The following MTOR variants were observed in gnomAD, a reference collection of about 807,000 sequenced individuals.
The protein encoded by MTOR is mechanistic target of rapamycin kinase, also known as serine/threonine-protein kinase mTOR.
A neutral mutation model predicts 319.8 loss-of-function variants in MTOR; 70 were observed. That is an observed-to-expected ratio of 0.22 (90% confidence interval 0.18 to 0.27). MTOR has a LOEUF of 0.27. Ranked by LOEUF, MTOR falls within the 10% of genes least tolerant of loss-of-function variation. The pLI is 1.00. For missense variants in MTOR, 1,890 were observed against 3,274.4 expected (o/e 0.58, Z 10.32); for synonymous variants, 1,183 against 1,211.4 (o/e 0.98, Z 0.49).
chr1:11,145,992 C>G (rs146871646), intron 32 of MTOR, among the ~76,000 whole-genome samples: 4 of 152,186 alleles, frequency 2.6e-5, no homozygotes, highest in Non-Finnish European at 5.9e-5. Context: ...GTGTCTCTGA[C>G]AGAGACAACC....
At chr1:11,255,062 T>C (rs1650182053) in intron 5 of MTOR, among the ~76,000 whole-genome samples, 1 of 152,126 alleles carries the variant, frequency 6.6e-6, no homozygotes, top group Non-Finnish European at 1.5e-5. Flanking sequence ...CCAGCTGAGA[T>C]GTCTTATAAT....
chr1:11,107,370 A>T lies in MTOR; in HGVS notation c.*115T>A. 1.9e-6 allele frequency: 3 copies of T among 1,553,506 alleles called. No homozygotes were observed. The highest frequency in any genetic ancestry group is 2.6e-6 in the Non-Finnish European group (3 of 1,157,288). On this transcript the variant is annotated 3_prime_UTR_variant, in exon 58 of 58. Transcript: ENST00000361445. The stretch of plus-strand genomic sequence containing the variant: ...ATATACAGTAGTTCTTTTCATTTAC[A>T]TTTCAAAATATTTAACAAAGTCAAA...
intron 6 of MTOR, among the ~76,000 whole-genome samples, chr1:11,253,154 G>A (rs1649921150): frequency 6.6e-6 from 1 of 152,136 alleles, no homozygotes; most frequent in Non-Finnish European, 1.5e-5. Flanking sequence ...CTCAGGGTCA[G>A]ATGTGCATTG....
At chr1:11,169,778 G>A (rs777223439) in intron 28 of MTOR, among the ~76,000 whole-genome samples, 1 of 152,104 alleles carries the variant, frequency 6.6e-6, no homozygotes, top group South Asian at 2.1e-4. Flanking sequence ...ATATAACAGG[G>A]CTAATATCAC....
At chr1:11,223,691 A>G (rs1646739696) in intron 19 of MTOR, among the ~76,000 whole-genome samples, 1 of 152,174 alleles carries the variant, frequency 6.6e-6, no homozygotes, top group African/African-American at 2.4e-5. Flanking sequence ...ACAAAAAAGA[A>G]AGATAAACAG....
chr1:11,139,170 G>T (rs1643569700), intron 36 of MTOR, 134 bp downstream of exon 36: 1 of 1,257,532 alleles, frequency 8.0e-7, no homozygotes, highest in African/African-American at 1.5e-5. Flanking sequence ...CTTTGTAACA[G>T]GAAGAGACTC....
chr1:11,216,039 G>C (rs1354778615), intron 20 of MTOR, 109 bp downstream of exon 20: 1 of 721,890 alleles, frequency 1.4e-6, no homozygotes, highest in Non-Finnish European at 2.3e-6. Context: ...TACTAAGACT[G>C]TAACAGCTCT....
chr1:11,184,560 G>T (rs1267077702), intron 28 of MTOR, among the ~76,000 whole-genome samples: 1 of 151,922 alleles, frequency 6.6e-6, no homozygotes, highest in Non-Finnish European at 1.5e-5. Flanking sequence ...GTGAGACTCC[G>T]TCTCTACAAA....
intron 34 of MTOR, chr1:11,144,074 C>T (rs999340626): frequency 2.0e-5 from 3 of 152,232 alleles, no homozygotes; most frequent in Non-Finnish European, 4.4e-5. Flanking sequence ...TCAATAGAGG[C>T]GACAGGATGA....
intron 31 of MTOR, chr1:11,149,303 A>T (rs139874000): frequency 6.6e-6 from 1 of 152,290 alleles, no homozygotes; most frequent in Non-Finnish European, 1.5e-5. Context: ...CCAAGTAATT[A>T]TCGGGTTTGA....
chr1:11,185,614 G>GAACAA (rs1414383190), intron 28 of MTOR, among the ~76,000 whole-genome samples: 1 of 151,862 alleles, frequency 6.6e-6, no homozygotes, highest in Non-Finnish European at 1.5e-5. Context: ...AAACAAAACA[G>GAACAA]AACAAAACAA....
chr1:11,116,666 CTA>C (rs761568361), intron 50 of MTOR, among the ~76,000 whole-genome samples: 1 of 152,106 alleles, frequency 6.6e-6, no homozygotes, highest in Non-Finnish European at 1.5e-5. Flanking sequence ...TATCCTTGAA[CTA>C]TGTGGGGCTT....
At chr1:11,242,090 G>A (rs529457093) in intron 9 of MTOR, among the ~76,000 whole-genome samples, 3 of 152,014 alleles carry the variant, frequency 2.0e-5, no homozygotes, top group South Asian at 4.2e-4. Flanking sequence ...GGGGCCAGGC[G>A]CAGCGACTCA....
intron 10 of MTOR, 107 bp from the exon 11 acceptor site, chr1:11,240,654 T>A: frequency 1.4e-6 from 2 of 1,380,112 alleles, no homozygotes; most frequent in Non-Finnish European, 2.0e-6. Flanking sequence ...CCTCTGTTCT[T>A]CAGAGTAGAA....
At chr1:11,195,622 C>G in intron 28 of MTOR, 1 of 154,294 alleles carries the variant, frequency 6.5e-6, no homozygotes, top group Admixed American at 6.4e-5. Flanking sequence ...GGCACTGCAT[C>G]TGGCGATCAG....
intron 19 of MTOR, among the ~76,000 whole-genome samples, chr1:11,228,200 T>C (rs1284804302): frequency 6.6e-6 from 1 of 151,730 alleles, no homozygotes; most frequent in African/African-American, 2.4e-5. Flanking sequence ...TTAGCCATCT[T>C]TTTCTTGAGA....
At chr1:11,256,224 TG>T in intron 4 of MTOR, 32 bp from the exon 5 acceptor site, 2 of 1,597,788 alleles carry the variant, frequency 1.3e-6, no homozygotes, top group East Asian at 4.5e-5. Context: ...GAACTCTCAT[TG>T]GTACCAGAGT....
intron 29 of MTOR, among the ~76,000 whole-genome samples, chr1:11,162,953 A>G (rs1224354908): frequency 2.0e-5 from 3 of 152,234 alleles, no homozygotes; most frequent in East Asian, 1.9e-4. Context: ...TTAAATGTAA[A>G]TGGGCTAAAT....
At chr1:11,245,260 T>C (rs1291108061) in intron 8 of MTOR, among the ~76,000 whole-genome samples, 5 of 152,200 alleles carry the variant, frequency 3.3e-5, no homozygotes, top group African/African-American at 9.7e-5. Context: ...TTGCTTCTTG[T>C]CTATTTATTT....
Sources: allele counts gnomAD v4.1 joint callset (sites outside exome capture counted in the v4.1 genomes callset), GRCh38; gene constraint gnomAD v4.1.1; transcripts MANE v1.5; gene names NCBI Gene and HGNC (gene_info 2026-07-23, HGNC 2026-07-21).